The following APPL1 variants were observed in gnomAD, a reference collection of about 807,000 sequenced individuals.
The protein encoded by APPL1 is adaptor protein, phosphotyrosine interacting with PH domain and leucine zipper 1.
Under a neutral mutation model 106.8 loss-of-function variants are expected in APPL1, and 42 were observed. The ratio of observed to expected loss-of-function variants is 0.39; its 90% confidence interval spans 0.31 to 0.51. APPL1 has a LOEUF of 0.51. Among genes scored for constraint, APPL1 ranks in the 20% least tolerant of loss-of-function variants. APPL1 has a pLI of 0.75. For synonymous variants in APPL1, 263 were observed against 281.8 expected (o/e 0.93, Z 0.67); for missense variants, 769 against 858.2 (o/e 0.90, Z 1.30).
At chr3:57,261,348 T>C (rs2060864255) in intron 19 of APPL1, among the ~76,000 whole-genome samples, 1 of 152,248 alleles carries the variant, frequency 6.6e-6, no homozygotes, top group Admixed American at 6.5e-5. Context: ...TTTTCTTTAT[T>C]CATTTATCTG....
At chr3:57,256,031 A>T (rs2107606584) in intron 13 of APPL1, among the ~76,000 whole-genome samples, 1 of 152,292 alleles carries the variant, frequency 6.6e-6, no homozygotes, top group African/African-American at 2.4e-5. Flanking sequence ...GAAGTGCAAA[A>T]TTGTTATGTG....
At chr3:57,247,624 T>C (rs1426396450) in intron 9 of APPL1, 147 bp downstream of exon 9, 3 of 578,958 alleles carry the variant, frequency 5.2e-6, no homozygotes, top group African/African-American at 1.9e-5. Flanking sequence ...TGGTTACTTC[T>C]TGTTTTTTTT....
chr3:57,258,184 G>T (rs567108847), intron 15 of APPL1, among the ~76,000 whole-genome samples: 1 of 152,064 alleles, frequency 6.6e-6, no homozygotes, highest in Admixed American at 6.5e-5. Context: ...TTGAGATGGG[G>T]TCTCACTCTG....
chr3:57,250,447 A>C (rs1470902432), intron 11 of APPL1, among the ~76,000 whole-genome samples: 1 of 152,086 alleles, frequency 6.6e-6, no homozygotes, highest in Non-Finnish European at 1.5e-5. Flanking sequence ...GGCTTCTATT[A>C]CCTTTGCATT....
chr3:57,234,997 C>A (rs1437673972), intron 1 of APPL1, among the ~76,000 whole-genome samples: 1 of 151,800 alleles, frequency 6.6e-6, no homozygotes, highest in Non-Finnish European at 1.5e-5. Flanking sequence ...AGAAAAATGA[C>A]AAAACAAAAC....
In APPL1 at chr3:57,227,733, G is replaced by A. The variant is rs113307246; in HGVS notation, c.-151G>A. On this transcript the variant is annotated 5_prime_UTR_variant, in exon 1 of 22. Coordinates refer to ENST00000288266, the MANE Select transcript of APPL1 (RefSeq NM_012096.3). ...GCCGAGGGGGCGGGATTTCCCGCACGGCCGCTCGGCGCCTGGAGAAGGCTG... is the reference window on the plus strand; with the variant it reads ...GCCGAGGGGGCGGGATTTCCCGCACAGCCGCTCGGCGCCTGGAGAAGGCTG... 3.3e-6 allele frequency: 2 copies of A among 599,540 alleles called. No homozygotes were observed. Among genetic ancestry groups the A allele is most frequent in the South Asian group, 5.5e-5 (1 of 18,282 alleles). 37.1% of individuals were successfully genotyped at this position (599,540 alleles called of 1,614,324 possible). A position where few individuals can be genotyped will look rare whatever the true frequency, so the allele number is the denominator to read the frequency against.
intron 19 of APPL1, among the ~76,000 whole-genome samples, chr3:57,261,838 A>C (rs763811729): frequency 4.6e-5 from 7 of 152,022 alleles, no homozygotes; most frequent in Non-Finnish European, 1.0e-4. Context: ...TTTTTGAGAG[A>C]TCTCCATACT....
intron 6 of APPL1, among the ~76,000 whole-genome samples, chr3:57,242,388 CCTT>C: frequency 6.6e-6 from 1 of 151,328 alleles, no homozygotes; most frequent in South Asian, 2.1e-4. Context: ...AATATTTTAC[CCTT>C]CTTGTTCTTT....
chr3:57,268,493 C>T lies in APPL1; in HGVS notation c.1983+6C>T, dbSNP rs1579407779. ...AACAAAAACAGATTGAAAAGGTATACAGTCCTAATGTCTGGATCTTTATGT... is the reference window on the plus strand; with the variant it reads ...AACAAAAACAGATTGAAAAGGTATATAGTCCTAATGTCTGGATCTTTATGT... On this transcript the variant is annotated splice_donor_region_variant and intron_variant, in intron 21 of 21. Transcript: ENST00000288266. 4 of 1,600,104 alleles carry T rather than the reference C, an allele frequency of 2.5e-6. No homozygotes were observed. Among genetic ancestry groups the T allele is most frequent in the Middle Eastern group, 1.7e-4 (1 of 5,944 alleles).
chr3:57,233,376 T>C (rs553610458), intron 1 of APPL1, among the ~76,000 whole-genome samples: 1 of 152,268 alleles, frequency 6.6e-6, no homozygotes, highest in East Asian at 1.9e-4. Flanking sequence ...TAGCTTAAAA[T>C]AGGGAATCTG....
intron 1 of APPL1, among the ~76,000 whole-genome samples, chr3:57,235,221 G>C (rs1341954692): frequency 1.3e-5 from 2 of 152,126 alleles, no homozygotes; most frequent in Admixed American, 1.3e-4. Context: ...CCTGAAGTAA[G>C]ACATTTAAAA....
chr3:57,235,172 C>T (rs2107596774), intron 1 of APPL1, among the ~76,000 whole-genome samples: 1 of 152,218 alleles, frequency 6.6e-6, no homozygotes, highest in Admixed American at 6.5e-5. Context: ...TTGGCCTCTT[C>T]TAGCAAAAAC....
chr3:57,230,752 A>G (rs1263329802), intron 1 of APPL1: 1 of 454,960 alleles, frequency 2.2e-6, no homozygotes, highest in East Asian at 7.1e-5. Flanking sequence ...GAATATGAAG[A>G]CTTTTAAAGC....
At chr3:57,229,560 A>G (rs1052739607) in intron 1 of APPL1, among the ~76,000 whole-genome samples, 3 of 151,696 alleles carry the variant, frequency 2.0e-5, no homozygotes, top group African/African-American at 2.4e-5. Flanking sequence ...GGATCTTGCT[A>G]TGTTTCCCAG....
chr3:57,269,625 A>G lies in APPL1; in HGVS notation c.2068A>G (p.Ser690Gly), dbSNP rs1289513961. The G allele has an allele frequency of 1.9e-6, 3 of 1,614,146 alleles. No homozygotes were observed. Among genetic ancestry groups the G allele is most frequent in the Non-Finnish European group, 8.5e-7 (1 of 1,180,002 alleles). The change falls in exon 22 of 22, where the codon AGT becomes GGT. Residue 690 changes from serine to glycine, a missense_variant. Transcript: ENST00000288266. Reference protein sequence around the residue: ...SSEGQFVVLSSSQSEESDLGE... With the variant: ...SSEGQFVVLSGSQSEESDLGE... ...TGAGGGGCAGTTTGTTGTCCTTAGCAGTAGCCAGTCAGAAGAGAGTGATTT... is the reference window on the plus strand; with the variant it reads ...TGAGGGGCAGTTTGTTGTCCTTAGCGGTAGCCAGTCAGAAGAGAGTGATTT...
intron 19 of APPL1, 32 bp from the exon 20 acceptor site, chr3:57,267,710 G>C (rs1361796068): frequency 6.2e-7 from 1 of 1,605,560 alleles, no homozygotes. Flanking sequence ...TGTGAGAACT[G>C]CCTGAATTTT....
intron 2 of APPL1, among the ~76,000 whole-genome samples, chr3:57,237,189 C>T (rs1377840424): frequency 3.3e-5 from 5 of 152,084 alleles, no homozygotes; most frequent in African/African-American, 9.7e-5. Context: ...CGTAGATGCT[C>T]TAAAGATTTT....
At chr3:57,264,644 T>G (rs2060885245) in intron 19 of APPL1, among the ~76,000 whole-genome samples, 1 of 151,802 alleles carries the variant, frequency 6.6e-6, no homozygotes, top group Non-Finnish European at 1.5e-5. Context: ...CTAGTTTTAT[T>G]CTTCTACATA....
Position 57,227,811 on chromosome 3 carries a change from T to C in APPL1, c.-73T>C. Reference sequence around the variant, plus strand: ...CCGGAGAGGGCGGGCCGGGGTCAGCTGCGGCGGGCGGGCCGGCGCGGGGAG... The same window carrying C: ...CCGGAGAGGGCGGGCCGGGGTCAGCCGCGGCGGGCGGGCCGGCGCGGGGAG... On this transcript the variant is annotated 5_prime_UTR_variant, in exon 1 of 22. Transcript: ENST00000288266. The C allele has an allele frequency of 7.6e-7, 1 of 1,319,302 alleles. No individual in the cohort carries two copies. The highest frequency in any genetic ancestry group is 1.0e-6 in the Non-Finnish European group (1 of 998,620). 81.7% of individuals were successfully genotyped at this position (1,319,302 alleles called of 1,614,324 possible).
Sources: gnomAD v4.1 joint callset for allele counts (sites outside exome capture counted in the v4.1 genomes callset) on GRCh38, gnomAD v4.1.1 for gene constraint, MANE v1.5 for transcripts, NCBI Gene and HGNC (gene_info 2026-07-23, HGNC 2026-07-21) for gene names.